The following MYO3A variants were observed in gnomAD, a reference collection of about 807,000 sequenced individuals.
The protein encoded by MYO3A is myosin IIIA.
Under a neutral mutation model 192.7 loss-of-function variants are expected in MYO3A, and 180 were observed. The observed-to-expected ratio is 0.93, with a 90% CI of 0.83 to 1.06. The LOEUF (loss-of-function observed/expected upper bound fraction) is 1.06. MYO3A is among the 50% of genes least tolerant of loss of function. The pLI is 0.00. For missense variants in MYO3A, 1,896 were observed against 1,905.0 expected (o/e 1.00, Z 0.09); for synonymous variants, 628 against 645.3 (o/e 0.97, Z 0.41).
chr10:26,192,529 T>A (rs1351328932), intron 31 of MYO3A, among the ~76,000 whole-genome samples: 1 of 152,138 alleles, frequency 6.6e-6, no homozygotes, highest in Non-Finnish European at 1.5e-5. Flanking sequence ...TTAAGTTTTT[T>A]TTCTGGCAGC....
At chr10:26,203,780 T>C (rs1843784527) in intron 34 of MYO3A, among the ~76,000 whole-genome samples, 1 of 152,178 alleles carries the variant, frequency 6.6e-6, no homozygotes, top group Non-Finnish European at 1.5e-5. Context: ...TAAACGAATA[T>C]CCTGTGAATC....
intron 17 of MYO3A, among the ~76,000 whole-genome samples, chr10:26,109,182 T>C (rs1239368848): frequency 1.3e-5 from 2 of 152,190 alleles, no homozygotes; most frequent in African/African-American, 4.8e-5. Flanking sequence ...AGTTGCCCAC[T>C]CTAACTTAAG....
chr10:25,946,553 T>C (rs944193962), intron 2 of MYO3A, among the ~76,000 whole-genome samples: 1 of 151,124 alleles, frequency 6.6e-6, no homozygotes, highest in Admixed American at 6.6e-5. Context: ...TTTTCACAGC[T>C]TGATTATAAT....
At chr10:26,128,672 C>A in intron 20 of MYO3A, 134 bp downstream of exon 20, 1 of 948,698 alleles carries the variant, frequency 1.1e-6, no homozygotes, top group Non-Finnish European at 1.6e-6. Flanking sequence ...TTATTATCTC[C>A]ACGTCCATAG....
intron 4 of MYO3A, among the ~76,000 whole-genome samples, chr10:25,958,320 T>A (rs1487784978): frequency 1.3e-5 from 2 of 152,234 alleles, no homozygotes; most frequent in Non-Finnish European, 2.9e-5. Context: ...GTTAGCCAGT[T>A]ATCCCAGCAC....
chr10:26,194,175 G>A (rs150597710), intron 32 of MYO3A, among the ~76,000 whole-genome samples: 5 of 152,060 alleles, frequency 3.3e-5, no homozygotes, highest in African/African-American at 1.2e-4. Flanking sequence ...AATATTTCAG[G>A]TCCCACGTAA....
intron 27 of MYO3A, among the ~76,000 whole-genome samples, chr10:26,167,141 A>G (rs1841797325): frequency 6.6e-6 from 1 of 152,222 alleles, no homozygotes; most frequent in South Asian, 2.1e-4. Flanking sequence ...TGACCACTCA[A>G]GAATACCTAC....
chr10:25,935,580 G>C (rs1836006959), intron 1 of MYO3A, among the ~76,000 whole-genome samples, 164 bp from the exon 2 acceptor site: 1 of 152,206 alleles, frequency 6.6e-6, no homozygotes, highest in Non-Finnish European at 1.5e-5. Context: ...GGGGCTTTAA[G>C]TTCCTTGTTC....
intron 6 of MYO3A, 26 bp downstream of exon 6, chr10:25,997,284 T>A (rs770980340): frequency 7.5e-6 from 11 of 1,473,748 alleles, no homozygotes; most frequent in Non-Finnish European, 1.0e-5. Flanking sequence ...AATGCATGAG[T>A]TTTAACTCCA....
intron 34 of MYO3A, among the ~76,000 whole-genome samples, chr10:26,208,894 C>T (rs1038134935): frequency 2.0e-5 from 3 of 152,206 alleles, no homozygotes; most frequent in Non-Finnish European, 4.4e-5. Context: ...CAATTATATT[C>T]AACTGGCAAA....
chr10:25,960,455 A>T (rs1042287851), intron 4 of MYO3A, among the ~76,000 whole-genome samples: 6 of 152,044 alleles, frequency 3.9e-5, no homozygotes, highest in African/African-American at 1.4e-4. Flanking sequence ...GTAAATTTTG[A>T]CTCCCCTAAA....
intron 20 of MYO3A, among the ~76,000 whole-genome samples, chr10:26,138,670 G>C (rs989676411): frequency 2.6e-5 from 4 of 152,178 alleles, no homozygotes; most frequent in African/African-American, 4.8e-5. Context: ...AAGAGCAATA[G>C]AAGCAGTGTG....
intron 20 of MYO3A, among the ~76,000 whole-genome samples, chr10:26,138,129 G>A (rs1003046038): frequency 2.6e-5 from 4 of 152,136 alleles, no homozygotes; most frequent in Non-Finnish European, 5.9e-5. Context: ...CCCTGTTCTT[G>A]CACTGCCTCC....
intron 14 of MYO3A, among the ~76,000 whole-genome samples, chr10:26,082,234 A>G (rs1234328834): frequency 1.3e-5 from 2 of 152,104 alleles, no homozygotes; most frequent in Non-Finnish European, 2.9e-5. Context: ...ATAAATTTTC[A>G]TTTATTTGTG....
At chr10:25,952,038 T>G in intron 2 of MYO3A, 56 bp from the exon 3 acceptor site, 1 of 1,326,006 alleles carries the variant, frequency 7.5e-7, no homozygotes, top group Admixed American at 1.7e-5. Flanking sequence ...TGGGTTTGTG[T>G]GTGCCATTTG....
chr10:26,085,943 T>C (rs1836278358), intron 14 of MYO3A, among the ~76,000 whole-genome samples: 2 of 152,292 alleles, frequency 1.3e-5, no homozygotes, highest in Non-Finnish European at 2.9e-5. Flanking sequence ...GTTTCCGTGC[T>C]CTACAGGATT....
intron 17 of MYO3A, among the ~76,000 whole-genome samples, chr10:26,120,006 A>AC (rs975096512): frequency 6.6e-6 from 1 of 151,368 alleles, no homozygotes; most frequent in Non-Finnish European, 1.5e-5. Context: ...ATACCAAAAA[A>AC]AAAAAAAAAA....
intron 2 of MYO3A, among the ~76,000 whole-genome samples, chr10:25,951,052 C>T (rs1837179889): frequency 6.6e-6 from 1 of 152,082 alleles, no homozygotes; most frequent in African/African-American, 2.4e-5. Flanking sequence ...GTCACTTGAT[C>T]TCACTGACCT....
intron 17 of MYO3A, among the ~76,000 whole-genome samples, chr10:26,100,050 T>C (rs929973453): frequency 5.9e-5 from 9 of 152,216 alleles, no homozygotes; most frequent in Non-Finnish European, 1.3e-4. Flanking sequence ...CTGGACTTTT[T>C]TTGATTCGTA....
Sources: allele counts gnomAD v4.1 joint callset (sites outside exome capture counted in the v4.1 genomes callset), GRCh38; gene constraint gnomAD v4.1.1; transcripts MANE v1.5; gene names NCBI Gene and HGNC (gene_info 2026-07-23, HGNC 2026-07-21).